Variants in MACROD2 observed in about 807,000 individuals in gnomAD.
MACROD2 encodes mono-ADP ribosylhydrolase 2, also known as ADP-ribose glycohydrolase MACROD2.
MACROD2 carries 36 observed loss-of-function variants against 70.4 expected under a neutral mutation model. The ratio of observed to expected loss-of-function variants is 0.51; its 90% CI spans 0.39 to 0.68. The LOEUF is 0.68. Ranked by LOEUF, MACROD2 falls within the 30% of genes least tolerant of loss-of-function variation. The probability of loss-of-function intolerance (pLI) is 0.00; values close to 1 mark genes in which losing one functional copy is unlikely to be tolerated. For missense variants in MACROD2, 496 were observed against 538.4 expected, an observed-to-expected ratio of 0.92 and a Z score of 0.78; for synonymous variants, 172 against 178.8, an observed-to-expected ratio of 0.96 and a Z score of 0.30.
chr20:15,715,574 A>C (rs1436821656), intron 8 of MACROD2, among the ~76,000 whole-genome samples: 4 of 152,192 alleles, frequency 2.6e-5, no homozygotes, highest in African/African-American at 9.6e-5. Flanking sequence ...GGAACTAGAC[A>C]GTATTTTGTG....
intron 5 of MACROD2, among the ~76,000 whole-genome samples, chr20:14,727,996 C>A (rs903197321): frequency 6.6e-6 from 1 of 152,094 alleles, no homozygotes. Flanking sequence ...TTACTGGCCC[C>A]AGAATTCTGT....
chr20:15,544,035 CTG>C (rs1237779550), intron 8 of MACROD2, among the ~76,000 whole-genome samples: 3 of 152,158 alleles, frequency 2.0e-5, no homozygotes, highest in African/African-American at 7.2e-5. Context: ...GACTCTCACA[CTG>C]TGGGGAAGTA....
At chr20:15,192,590 A>G (rs1302975702) in intron 5 of MACROD2, among the ~76,000 whole-genome samples, 2 of 152,182 alleles carry the variant, frequency 1.3e-5, no homozygotes, top group Non-Finnish European at 2.9e-5. Flanking sequence ...GCATCCTGCT[A>G]ATACTCAGGG....
chr20:15,797,378 G>T (rs544133826), intron 8 of MACROD2, among the ~76,000 whole-genome samples: 1 of 152,296 alleles, frequency 6.6e-6, no homozygotes, highest in East Asian at 1.9e-4. Context: ...GCCTCCCAAA[G>T]TGCTGGGATT....
At chr20:15,723,446 TCTCCCG>T (rs977160008) in intron 8 of MACROD2, among the ~76,000 whole-genome samples, 4 of 152,282 alleles carry the variant, frequency 2.6e-5, no homozygotes, top group Admixed American at 6.5e-5. Flanking sequence ...CCTATTCACC[TCTCCCG>T]CTCCCAACCC....
intron 5 of MACROD2, among the ~76,000 whole-genome samples, chr20:15,166,789 G>A (rs991193544): frequency 6.6e-6 from 1 of 151,590 alleles, no homozygotes; most frequent in Non-Finnish European, 1.5e-5. Flanking sequence ...TCAAGATTAT[G>A]ATGTGGGTCT....
chr20:14,863,300 T>C (rs1257054841), intron 5 of MACROD2, among the ~76,000 whole-genome samples: 1 of 152,126 alleles, frequency 6.6e-6, no homozygotes, highest in Non-Finnish European at 1.5e-5. Context: ...TTTCACATTG[T>C]AGATTTCTTG....
At chr20:15,868,557 T>G (rs139558415) in intron 9 of MACROD2, among the ~76,000 whole-genome samples, 3,480 of 152,126 alleles carry the variant, frequency 0.023, 60 homozygotes, top group Middle Eastern at 0.034. Context: ...ATTATTTTCT[T>G]TATATACCTT....
In MACROD2 at chr20:14,326,911, G is replaced by C. The variant is rs775685649; in HGVS notation, c.272-166568G>C. 18 of 1,613,676 alleles carry C rather than the reference G, an allele frequency of 1.1e-5. No homozygotes were observed. Among genetic ancestry groups the C allele is most frequent in the Admixed American group, 3.3e-5 (2 of 59,942 alleles). ...ATCTAGAACCAGGCGTTTTAGACTA[G>C]TGAGACCTTGAAGAGATGGTGATGA... On this transcript the variant is annotated intron_variant, in intron 3 of 17. Transcript: ENST00000684519. The surrounding 1 kb of genome is among the most constrained non-coding windows in gnomAD (Gnocchi z 5.5).
chr20:14,699,524 C>G (rs2071167499), intron 5 of MACROD2, among the ~76,000 whole-genome samples: 1 of 152,004 alleles, frequency 6.6e-6, no homozygotes, highest in Admixed American at 6.6e-5. Flanking sequence ...TTGTAGACTG[C>G]CAGAGTTCAT....
At chr20:14,885,389 G>C (rs1377829571) in intron 5 of MACROD2, among the ~76,000 whole-genome samples, 1 of 151,740 alleles carries the variant, frequency 6.6e-6, no homozygotes, top group African/African-American at 2.4e-5. Flanking sequence ...TCTTCTAATT[G>C]ACCCTAGAAT....
chr20:14,158,361 A>G (rs1345634208), intron 3 of MACROD2, among the ~76,000 whole-genome samples: 1 of 152,082 alleles, frequency 6.6e-6, no homozygotes, highest in East Asian at 1.9e-4. Context: ...TGGTTTGCAA[A>G]TATTTTCTCC....
intron 6 of MACROD2, among the ~76,000 whole-genome samples, chr20:15,296,908 T>A (rs1214886619): frequency 6.6e-6 from 1 of 152,142 alleles, no homozygotes; most frequent in Non-Finnish European, 1.5e-5. Flanking sequence ...ATGCTGAAAG[T>A]TTACAGAAGA....
At chr20:15,498,102 G>A (rs979397530) in intron 7 of MACROD2, among the ~76,000 whole-genome samples, 6 of 152,116 alleles carry the variant, frequency 3.9e-5, no homozygotes, top group South Asian at 2.1e-4. Flanking sequence ...AAGAACTTAC[G>A]CACATTTTCT....
chr20:14,858,390 C>G (rs1240851246), intron 5 of MACROD2, among the ~76,000 whole-genome samples: 1 of 152,020 alleles, frequency 6.6e-6, no homozygotes, highest in Non-Finnish European at 1.5e-5. Flanking sequence ...AACAGCCACT[C>G]AGAAGAGATT....
chr20:14,128,090 A>T (rs1419411538), intron 3 of MACROD2: 3 of 553,652 alleles, frequency 5.4e-6, no homozygotes, highest in Non-Finnish European at 1.1e-5. Flanking sequence ...TATCTCAAGC[A>T]GTGGTCATGT....
At chr20:15,050,755 A>G (rs2075433401) in intron 5 of MACROD2, among the ~76,000 whole-genome samples, 1 of 151,538 alleles carries the variant, frequency 6.6e-6, no homozygotes, top group Non-Finnish European at 1.5e-5. Flanking sequence ...GGTTGCTTTA[A>G]TTAATAAAAC....
At chr20:15,020,705 T>C (rs1172888406) in intron 5 of MACROD2, among the ~76,000 whole-genome samples, 1 of 152,054 alleles carries the variant, frequency 6.6e-6, no homozygotes, top group Non-Finnish European at 1.5e-5. Context: ...AACTTGTACA[T>C]GTTACTGTAC....
intron 5 of MACROD2, among the ~76,000 whole-genome samples, chr20:15,025,879 A>G (rs1220006249): frequency 6.6e-6 from 1 of 152,168 alleles, no homozygotes; most frequent in Non-Finnish European, 1.5e-5. Flanking sequence ...GAGCCACTCC[A>G]TATATGGTAA....
Sources: gnomAD v4.1 joint callset for allele counts (sites outside exome capture counted in the v4.1 genomes callset) on GRCh38, gnomAD v4.1.1 for gene constraint, Gnocchi (gnomAD v3.1) non-coding constraint, MANE v1.5 for transcripts, NCBI Gene and HGNC (gene_info 2026-07-23, HGNC 2026-07-21) for gene names.